The following CARMIL1 variants were observed in gnomAD, a reference collection of about 807,000 sequenced individuals.
CARMIL1 encodes F-actin-uncapping protein LRRC16A.
A neutral mutation model predicts 177.1 loss-of-function variants in CARMIL1; 90 were observed. The observed-to-expected ratio is 0.51, with a 90% CI of 0.43 to 0.61. CARMIL1 has a LOEUF of 0.61. CARMIL1 is among the 20% of genes least tolerant of loss of function. The pLI is 0.00. For missense variants in CARMIL1, 1,380 were observed against 1,667.0 expected, an observed-to-expected ratio of 0.83 and a Z score of 3.00; for synonymous variants, 577 against 606.2, an observed-to-expected ratio of 0.95 and a Z score of 0.71.
At chr6:25,360,273 T>A (rs1255564179) in intron 2 of CARMIL1, among the ~76,000 whole-genome samples, 1 of 152,194 alleles carries the variant, frequency 6.6e-6, no homozygotes, top group East Asian at 1.9e-4. Flanking sequence ...ATTTCTTGTA[T>A]GTATGAGTGG....
At chr6:25,594,205 C>T (rs1272287569) in intron 31 of CARMIL1, among the ~76,000 whole-genome samples, 1 of 152,198 alleles carries the variant, frequency 6.6e-6, no homozygotes, top group Admixed American at 6.5e-5. Context: ...CTCCACAAGG[C>T]ATGGTGTTTA....
chr6:25,566,300 A>G (rs214066), intron 29 of CARMIL1, among the ~76,000 whole-genome samples: 124,460 of 152,164 alleles, frequency 0.82, 51,274 homozygotes, highest in East Asian at 0.95. Context: ...TGGTCCATAA[A>G]GTCCTACATG....
chr6:25,544,842 A>G (rs1236091325), intron 26 of CARMIL1, among the ~76,000 whole-genome samples: 1 of 152,204 alleles, frequency 6.6e-6, no homozygotes, highest in Non-Finnish European at 1.5e-5. Context: ...ATAAGTTAGT[A>G]GAAAGTTAGT....
intron 8 of CARMIL1, among the ~76,000 whole-genome samples, chr6:25,461,081 A>C (rs540720229): frequency 6.6e-6 from 1 of 152,102 alleles, no homozygotes; most frequent in Non-Finnish European, 1.5e-5. Flanking sequence ...TTACATCTCT[A>C]AATCAATTTG....
intron 2 of CARMIL1, among the ~76,000 whole-genome samples, chr6:25,328,667 C>T (rs527951769): frequency 5.0e-4 from 76 of 152,280 alleles, no homozygotes; most frequent in Non-Finnish European, 8.1e-4. Flanking sequence ...CCAGAGTTAT[C>T]TTCCATCATG....
Position 25,515,714 on chromosome 6 carries a change from A to T in CARMIL1, c.1672A>T (p.Thr558Ser). 1 of 1,609,204 alleles carries T rather than the reference A, an allele frequency of 6.2e-7. No homozygotes were observed. The highest frequency in any genetic ancestry group is 1.1e-5 in the South Asian group (1 of 89,480). ...GTCCCTGGCTGACTCGAAACTCAAGACTGAGGTCACCATCATCATCAATGC... is the reference window on the plus strand; with the variant it reads ...GTCCCTGGCTGACTCGAAACTCAAGTCTGAGGTCACCATCATCATCAATGC... The part of the protein sequence containing the change: ...SLSLADSKLK[T>S]EVTIIINALG... The change falls in exon 21 of 37, where the codon ACT becomes TCT. Residue 558 changes from threonine (T) to serine (S), a missense_variant. Thr to Ser is a moderately conservative substitution (Grantham distance 58). Coordinates refer to ENST00000329474, the MANE Select transcript of CARMIL1 (RefSeq NM_017640.6). This position sits in a 1 kb window ranked among gnomAD's most constrained non-coding sequence, Gnocchi z 5.0.
intron 2 of CARMIL1, among the ~76,000 whole-genome samples, chr6:25,347,559 A>G (rs936161853): frequency 2.0e-5 from 3 of 152,262 alleles, no homozygotes; most frequent in African/African-American, 4.8e-5. Context: ...ATACTGTGAA[A>G]TTAACATTTT....
intron 16 of CARMIL1, among the ~76,000 whole-genome samples, chr6:25,497,273 A>G (rs1803827187): frequency 6.6e-6 from 1 of 152,222 alleles, no homozygotes; most frequent in African/African-American, 2.4e-5. Flanking sequence ...CTGGGTGCTT[A>G]CATATGGCCT....
chr6:25,382,577 A>G (rs113564138), intron 2 of CARMIL1, among the ~76,000 whole-genome samples: 34 of 152,214 alleles, frequency 2.2e-4, no homozygotes, highest in African/African-American at 7.0e-4. Context: ...GTCCCCGCCT[A>G]TGTCCTGCTG....
intron 2 of CARMIL1, among the ~76,000 whole-genome samples, chr6:25,355,525 A>G (rs767322433): frequency 6.6e-6 from 1 of 152,172 alleles, no homozygotes; most frequent in Non-Finnish European, 1.5e-5. Context: ...TGCACCTGCT[A>G]CTGCGTAGCA....
chr6:25,329,673 G>T lies in CARMIL1; in HGVS notation c.138+44764G>T, dbSNP rs1785430553. On this transcript the variant is annotated intron_variant, in intron 2 of 36. Transcript: ENST00000329474. ...GGGATCTTTTGGAGAAGTCAAACAA[G>T]AATTCTGATTACCTCATCAGTGATA... is the stretch of plus-strand genomic sequence containing the variant. 2.0e-5 allele frequency among the ~76,000 whole-genome samples: 3 copies of T among 152,176 alleles called. No homozygotes were observed. The South Asian group carries it at 6.2e-4, about 32-fold the overall frequency.
chr6:25,524,161 C>T (rs1423862851), intron 23 of CARMIL1, among the ~76,000 whole-genome samples: 3 of 152,078 alleles, frequency 2.0e-5, no homozygotes, highest in African/African-American at 7.2e-5. Context: ...TTAAACAACC[C>T]GCCCTCTCTA....
At chr6:25,323,324 C>G (rs1215985095) in intron 2 of CARMIL1, among the ~76,000 whole-genome samples, 1 of 151,006 alleles carries the variant, frequency 6.6e-6, no homozygotes, top group Non-Finnish European at 1.5e-5. Flanking sequence ...TGGCTCACGC[C>G]TGTAATCCCA....
At chr6:25,378,855 G>A (rs993736599) in intron 2 of CARMIL1, among the ~76,000 whole-genome samples, 15 of 150,962 alleles carry the variant, frequency 9.9e-5, no homozygotes, top group African/African-American at 3.4e-4. Flanking sequence ...GTAGAGGCAT[G>A]CTCACAGTGC....
At chr6:25,336,089 A>G (rs1460309739) in intron 2 of CARMIL1, among the ~76,000 whole-genome samples, 1 of 151,578 alleles carries the variant, frequency 6.6e-6, no homozygotes, top group Non-Finnish European at 1.5e-5. Context: ...CATCTTCCAT[A>G]TTTCCAGGAG....
chr6:25,597,624 G>T (rs924658845), intron 32 of CARMIL1, among the ~76,000 whole-genome samples: 2 of 152,098 alleles, frequency 1.3e-5, no homozygotes, highest in South Asian at 4.2e-4. Context: ...CATCTGACCA[G>T]CTCCAGTGTG....
At chr6:25,604,914 C>T (rs1815796505) in intron 34 of CARMIL1, 21 bp downstream of exon 34, 2 of 1,566,774 alleles carry the variant, frequency 1.3e-6, no homozygotes, top group African/African-American at 2.7e-5. Flanking sequence ...CCATTGCCAT[C>T]ACCCCCTTAG....
chr6:25,475,126 C>G (rs1237068305), intron 11 of CARMIL1, among the ~76,000 whole-genome samples: 1 of 152,244 alleles, frequency 6.6e-6, no homozygotes. Flanking sequence ...TTAAACTTGG[C>G]TGGGCGTGGT....
intron 7 of CARMIL1, 77 bp downstream of exon 7, chr6:25,450,486 C>CT (rs1263146849): frequency 2.3e-6 from 3 of 1,300,276 alleles, no homozygotes; most frequent in African/African-American, 3.0e-5. Context: ...GCTTGTTTTT[C>CT]TTTTTTTCCC....
Sources: allele counts gnomAD v4.1 joint callset (sites outside exome capture counted in the v4.1 genomes callset), GRCh38; gene constraint gnomAD v4.1.1; non-coding constraint Gnocchi (gnomAD v3.1); transcripts MANE v1.5; gene names NCBI Gene and HGNC (gene_info 2026-07-23, HGNC 2026-07-21).